AGAP1: variants seen among roughly 807,000 people sequenced by gnomAD.
AGAP1 encodes the protein arf-GAP with GTPase, ANK repeat and PH domain-containing protein 1.
A neutral mutation model predicts 105.3 loss-of-function variants in AGAP1; 29 were observed. The observed-to-expected ratio is 0.28, with a 90% CI of 0.21 to 0.38. The LOEUF (loss-of-function observed/expected upper bound fraction) is 0.38. Ranked by LOEUF, AGAP1 falls within the 10% of genes least tolerant of loss-of-function variation. The probability of loss-of-function intolerance (pLI) is 1.00; values close to 1 mark genes in which losing one functional copy is unlikely to be tolerated. For synonymous variants in AGAP1, 509 were observed against 485.9 expected, an observed-to-expected ratio of 1.05 and a Z score of -0.63; for missense variants, 998 against 1,165.1, an observed-to-expected ratio of 0.86 and a Z score of 2.09.
intron 1 of AGAP1, among the ~76,000 whole-genome samples, chr2:235,627,200 T>TG (rs1372430505): frequency 6.8e-6 from 1 of 146,006 alleles, no homozygotes; most frequent in Non-Finnish European, 1.5e-5. Flanking sequence ...AGGTTTTTTT[T>TG]TTTTTTTTTT....
chr2:236,088,805 T>A (rs2058991658), intron 16 of AGAP1, among the ~76,000 whole-genome samples: 1 of 152,236 alleles, frequency 6.6e-6, no homozygotes, highest in South Asian at 2.1e-4. Context: ...TATGTATCCT[T>A]CTGCTTCTAT....
chr2:236,048,275 C>T (rs1291738100), intron 15 of AGAP1, among the ~76,000 whole-genome samples: 2 of 152,248 alleles, frequency 1.3e-5, no homozygotes, highest in Non-Finnish European at 2.9e-5. Context: ...GCCAGTTTCA[C>T]GCAGTGAGTG....
intron 9 of AGAP1, among the ~76,000 whole-genome samples, chr2:235,854,769 GT>G (rs2048614588): frequency 6.6e-6 from 1 of 152,224 alleles, no homozygotes; most frequent in African/African-American, 2.4e-5. Flanking sequence ...AAAAGTGGCT[GT>G]TTCCCCTGGT....
At position 235,635,058 on chromosome 2, in the gene AGAP1, C is replaced by T. The variant is rs1575008953; in HGVS notation, c.164-74121C>T. Among the ~76,000 whole-genome samples the T allele has an allele frequency of 6.6e-6, 1 of 152,110 alleles. No homozygotes were observed. Among genetic ancestry groups the T allele is most frequent in the Non-Finnish European group, 1.5e-5 (1 of 68,034 alleles). On this transcript the variant is annotated intron_variant, in intron 1 of 17. Coordinates refer to ENST00000304032, the MANE Select transcript of AGAP1 (RefSeq NM_001037131.3). The surrounding 1 kb of genome is among the most constrained non-coding windows in gnomAD (Gnocchi z 5.3). ...TTCTCAATTCTGGGACCAGTTTTCCCTCTGAAGCGTGAATGTTTCCTCTCC... is the reference window on the plus strand; with the variant it reads ...TTCTCAATTCTGGGACCAGTTTTCCTTCTGAAGCGTGAATGTTTCCTCTCC...
chr2:235,573,054 C>CTTCTTCTTCTTCTTCTTCTTCTTCT, intron 1 of AGAP1, among the ~76,000 whole-genome samples: 1 of 22,184 alleles, frequency 4.5e-5, no homozygotes, highest in Middle Eastern at 0.026. Context: ...TCTTCTTCTT[C>CTTCTTCTTCTTCTTCTTCTTCTTCT]TTCTTCTTTC....
rs958838526 is a variant in AGAP1, at chr2:236,130,584, C to G, written c.*6462C>G. ...GAGCCGCTTGGAGAGCTTTGGTAAACAGAAGACACTGGAAGCCCACTCGGT... is the reference window on the plus strand; with the variant it reads ...GAGCCGCTTGGAGAGCTTTGGTAAAGAGAAGACACTGGAAGCCCACTCGGT... On this transcript the variant is annotated 3_prime_UTR_variant, in exon 18 of 18. Coordinates refer to ENST00000304032, the MANE Select transcript of AGAP1 (RefSeq NM_001037131.3). This position sits in a 1 kb window ranked among gnomAD's most constrained non-coding sequence, Gnocchi z 5.8. The G allele has an allele frequency of 1.3e-4, 20 of 152,396 alleles. No individual in the cohort carries two copies. The allele number at this position is 152,396 out of a possible 1,614,324, so 9.4% of individuals were successfully genotyped here. A position where few individuals can be genotyped will look rare whatever the true frequency, so the allele number is the denominator to read the frequency against.
At chr2:235,563,530 T>C (rs1204791583) in intron 1 of AGAP1, among the ~76,000 whole-genome samples, 1 of 148,588 alleles carries the variant, frequency 6.7e-6, no homozygotes, top group Non-Finnish European at 1.5e-5. Flanking sequence ...CTGGGCTATT[T>C]TTACAGTCAG....
At chr2:235,917,119 A>G (rs1389817378) in intron 11 of AGAP1, among the ~76,000 whole-genome samples, 1 of 152,122 alleles carries the variant, frequency 6.6e-6, no homozygotes, top group Non-Finnish European at 1.5e-5. Flanking sequence ...AACCAGATTG[A>G]TGCTTAGACC....
At chr2:235,523,233 G>C (rs560277456) in intron 1 of AGAP1, among the ~76,000 whole-genome samples, 2 of 152,304 alleles carry the variant, frequency 1.3e-5, no homozygotes, top group African/African-American at 2.4e-5. Context: ...TCACCTCCCA[G>C]AGGCCCCACT....
Position 235,728,320 on chromosome 2 carries a change from T to TGTGTGTGTGTGTGTGTGTGTGTGC in AGAP1, c.310+10683_310+10684insTGTGTGTGTGTGTGTGCGTGTGTG, listed in dbSNP as rs1328525428. Among the ~76,000 whole-genome samples, 13 of 151,834 alleles carry TGTGTGTGTGTGTGTGTGTGTGTGC rather than the reference T, an allele frequency of 8.6e-5. No individual in the cohort carries two copies. The highest frequency in any genetic ancestry group is 2.9e-4 in the African/African-American group (12 of 41,268). ...CAGACTCTGTGTGTGTGTGTGTGTG[T>TGTGTGTGTGTGTGTGTGTGTGTGC]GTGTGTGCGTGCTCTTAAATCAATG... On this transcript the variant is annotated intron_variant, in intron 3 of 17. Coordinates refer to ENST00000304032, the MANE Select transcript of AGAP1 (RefSeq NM_001037131.3). The surrounding 1 kb of genome is among the most constrained non-coding windows in gnomAD (Gnocchi z 4.3).
At chr2:235,819,926 G>A (rs905097488) in intron 9 of AGAP1, among the ~76,000 whole-genome samples, 14 of 126,850 alleles carry the variant, frequency 1.1e-4, no homozygotes, top group African/African-American at 3.1e-4. Context: ...TTTTTGAGAC[G>A]GAGTTTTGCT....
intron 1 of AGAP1, among the ~76,000 whole-genome samples, chr2:235,694,574 G>A (rs1371358397): frequency 1.3e-5 from 2 of 151,994 alleles, no homozygotes; most frequent in Non-Finnish European, 1.5e-5. Flanking sequence ...CTTTAACCTG[G>A]GAGGTGGAGG....
chr2:235,797,228 A>G (rs543670476), intron 6 of AGAP1, among the ~76,000 whole-genome samples: 4 of 152,234 alleles, frequency 2.6e-5, no homozygotes, highest in African/African-American at 9.6e-5. Flanking sequence ...AAAAAAGATG[A>G]TTTTATGAGA....
intron 1 of AGAP1, among the ~76,000 whole-genome samples, chr2:235,628,604 G>A (rs1234042442): frequency 6.6e-6 from 1 of 152,062 alleles, no homozygotes; most frequent in Non-Finnish European, 1.5e-5. Context: ...CTGGAAAGAA[G>A]GGGGAGCCAT....
At position 235,973,124 on chromosome 2, in the gene AGAP1, G is replaced by C. The variant is rs1056623766; in HGVS notation, c.1645+4501G>C. On this transcript the variant is annotated intron_variant, in intron 13 of 17. Transcript: ENST00000304032. This position sits in a 1 kb window ranked among gnomAD's most constrained non-coding sequence, Gnocchi z 4.7. ...AAACCCAGAAACACTGTGTCTACAC[G>C]GGGCTGTCAGGGTGACCGATGGAAA... Among the ~76,000 whole-genome samples the C allele has an allele frequency of 4.6e-5, 7 of 152,162 alleles. No homozygotes were observed. The highest frequency in any genetic ancestry group is 1.0e-4 in the Non-Finnish European group (7 of 68,024).
Position 235,960,824 on chromosome 2 carries a change from T to C in AGAP1, c.1484-7638T>C, listed in dbSNP as rs761284110. Among the ~76,000 whole-genome samples, 2 of 152,208 alleles carry C rather than the reference T, an allele frequency of 1.3e-5. No individual in the cohort carries two copies. Among genetic ancestry groups the C allele is most frequent in the Non-Finnish European group, 2.9e-5 (2 of 68,040 alleles). On this transcript the variant is annotated intron_variant, in intron 12 of 17. Transcript: ENST00000304032. This position sits in a 1 kb window ranked among gnomAD's most constrained non-coding sequence, Gnocchi z 4.9. The stretch of plus-strand genomic sequence containing the variant: ...TCTCTGTGTCAATAGACTTCACTCA[T>C]GGACTCAGTCGTTCGCCTAAAAATA...
chr2:235,902,777 C>T (rs979365039), intron 10 of AGAP1, among the ~76,000 whole-genome samples: 1 of 152,208 alleles, frequency 6.6e-6, no homozygotes, highest in African/African-American at 2.4e-5. Context: ...GCAAGACAAC[C>T]ATCACCCTCC....
At chr2:235,897,553 A>G (rs2050865418) in intron 10 of AGAP1, among the ~76,000 whole-genome samples, 1 of 152,196 alleles carries the variant, frequency 6.6e-6, no homozygotes, top group Non-Finnish European at 1.5e-5. Flanking sequence ...TCCTACCAGT[A>G]TGCCGCGTGA....
chr2:235,807,770 G>GC (rs1957915621), intron 9 of AGAP1, among the ~76,000 whole-genome samples: 2 of 152,198 alleles, frequency 1.3e-5, no homozygotes, highest in African/African-American at 4.8e-5. Flanking sequence ...TAACAACGAG[G>GC]CAATTAGTTG....
Sources: allele counts gnomAD v4.1 joint callset (sites outside exome capture counted in the v4.1 genomes callset), GRCh38; gene constraint gnomAD v4.1.1; non-coding constraint Gnocchi (gnomAD v3.1); transcripts MANE v1.5; gene names NCBI Gene and HGNC (gene_info 2026-07-23, HGNC 2026-07-21).